Variants in ZMIZ1 observed in about 807,000 individuals in gnomAD.
ZMIZ1 encodes zinc finger MIZ domain-containing protein 1.
Under a neutral mutation model 113.9 loss-of-function variants are expected in ZMIZ1, and 17 were observed. The observed-to-expected ratio is 0.15, with a 90% confidence interval of 0.10 to 0.22. ZMIZ1 has a LOEUF of 0.22. Ranked by LOEUF, ZMIZ1 falls within the 10% of genes least tolerant of loss-of-function variation. The probability of loss-of-function intolerance (pLI) is 1.00; values close to 1 mark genes in which losing one functional copy is unlikely to be tolerated. For missense variants in ZMIZ1, 1,059 were observed against 1,477.8 expected, an observed-to-expected ratio of 0.72 and a Z score of 4.65; for synonymous variants, 607 against 603.1, an observed-to-expected ratio of 1.01 and a Z score of -0.09.
rs1346894046 is a variant in ZMIZ1 at position 79,313,911 on chromosome 10, GTCTGTCCAGCCCCTCCC to G, written c.*1170_*1186del. ...AGAAACCAGAGCCCAGGGCAATGGT[GTCTGTCCAGCCCCTCCC>G]TCTGTCCCTGTGCTCCAAGCTGCCC... On this transcript the variant is annotated 3_prime_UTR_variant, in exon 25 of 25. Coordinates refer to ENST00000334512, the MANE Select transcript of ZMIZ1 (RefSeq NM_020338.4). 1.8e-5 allele frequency: 7 copies of G among 395,700 alleles called. No individual in the cohort carries two copies. The highest frequency in any genetic ancestry group is 3.1e-5 in the Non-Finnish European group (6 of 196,162). The allele number at this position is 395,700 out of a possible 1,614,324, so 24.5% of individuals were successfully genotyped here.
chr10:79,294,893 G>A (rs1853766961), intron 12 of ZMIZ1: 1 of 151,532 alleles, frequency 6.6e-6, no homozygotes, highest in South Asian at 2.1e-4. Flanking sequence ...GGATGGGCGG[G>A]GAGGCTTGGC....
At chr10:79,116,690 C>T (rs949353160) in intron 1 of ZMIZ1, among the ~76,000 whole-genome samples, 3 of 152,222 alleles carry the variant, frequency 2.0e-5, no homozygotes, top group Non-Finnish European at 4.4e-5. Flanking sequence ...TGAAGTGTTA[C>T]ACCCATGCAG....
intron 11 of ZMIZ1, 38 bp from the exon 12 acceptor site, chr10:79,293,343 T>A: frequency 2.0e-6 from 3 of 1,507,030 alleles, no homozygotes; most frequent in Non-Finnish European, 2.7e-6. Context: ...TATTCTTTTT[T>A]TTTTCTTCTC....
At chr10:79,287,817 GA>G (rs1420888492) in intron 8 of ZMIZ1, among the ~76,000 whole-genome samples, 1 of 152,222 alleles carries the variant, frequency 6.6e-6, no homozygotes, top group African/African-American at 2.4e-5. Flanking sequence ...GAGATTGAGT[GA>G]GGAAACTTGC....
intron 7 of ZMIZ1, among the ~76,000 whole-genome samples, chr10:79,251,580 G>A (rs1352025908): frequency 4.6e-5 from 7 of 152,136 alleles, no homozygotes; most frequent in African/African-American, 1.7e-4. Context: ...CCCCGAACTG[G>A]TAGAACATGC....
chr10:79,091,686 C>T (rs564907675), intron 1 of ZMIZ1, among the ~76,000 whole-genome samples: 127 of 152,232 alleles, frequency 8.3e-4, no homozygotes, highest in African/African-American at 3.0e-3. Flanking sequence ...GCGGTGGAAC[C>T]GGCATGACCA....
intron 1 of ZMIZ1, among the ~76,000 whole-genome samples, chr10:79,093,294 TTTATTTATTTA>T (rs1564645995): frequency 5.6e-4 from 3 of 5,386 alleles, no homozygotes; most frequent in African/African-American, 1.3e-3. Context: ...TTTTATTTTA[TTTATTTATTTA>T]TTTATTTATT....
At chr10:79,284,658 A>G (rs1852948951) in intron 8 of ZMIZ1, among the ~76,000 whole-genome samples, 1 of 152,184 alleles carries the variant, frequency 6.6e-6, no homozygotes, top group African/African-American at 2.4e-5. Flanking sequence ...GGAAAGTGTT[A>G]GTCCCACTTT....
chr10:79,308,647 G>C (rs902446796), intron 23 of ZMIZ1, among the ~76,000 whole-genome samples: 1 of 152,156 alleles, frequency 6.6e-6, no homozygotes, highest in Non-Finnish European at 1.5e-5. Flanking sequence ...AGTCCAAGTC[G>C]GAAATAGATG....
Position 79,293,359 on chromosome 10 carries a change from G to A in ZMIZ1, c.958-22G>A, listed in dbSNP as rs1325616464. On this transcript the variant is annotated intron_variant, in intron 11 of 24. Coordinates refer to ENST00000334512, the MANE Select transcript of ZMIZ1 (RefSeq NM_020338.4). ...ATTCTTTTTTTTTTCTTCTCCCGTTGAAGGTCTGTTCCTCTTTCCAGATGG... is the reference window on the plus strand; with the variant it reads ...ATTCTTTTTTTTTTCTTCTCCCGTTAAAGGTCTGTTCCTCTTTCCAGATGG... 10 of 1,482,178 alleles carry A rather than the reference G, an allele frequency of 6.7e-6. No homozygotes were observed. The African/African-American group carries it at 1.4e-4, about 21-fold the overall frequency. 91.8% of individuals were successfully genotyped at this position (1,482,178 alleles called of 1,614,324 possible).
At chr10:79,125,675 A>G (rs550410065) in intron 2 of ZMIZ1, among the ~76,000 whole-genome samples, 2 of 152,216 alleles carry the variant, frequency 1.3e-5, no homozygotes, top group Non-Finnish European at 2.9e-5. Context: ...ACCTTGCAGC[A>G]AGTAATAGAC....
intron 4 of ZMIZ1, among the ~76,000 whole-genome samples, chr10:79,183,096 C>G (rs550824071): frequency 6.6e-6 from 1 of 152,336 alleles, no homozygotes; most frequent in East Asian, 1.9e-4. Context: ...CAGGAGTGGA[C>G]TGGCCAGACT....
chr10:79,144,849 G>A (rs570977719), intron 3 of ZMIZ1, among the ~76,000 whole-genome samples: 1 of 152,128 alleles, frequency 6.6e-6, no homozygotes, highest in East Asian at 1.9e-4. Flanking sequence ...AATGTTCGGT[G>A]GGCGGGCTTG....
At chr10:79,079,649 C>T (rs1026034381) in intron 1 of ZMIZ1, among the ~76,000 whole-genome samples, 2 of 152,206 alleles carry the variant, frequency 1.3e-5, no homozygotes, top group African/African-American at 4.8e-5. Context: ...CGGGGGGGTC[C>T]AGGGAATGAT....
intron 5 of ZMIZ1, among the ~76,000 whole-genome samples, chr10:79,205,484 G>A (rs1011993853): frequency 6.6e-6 from 1 of 152,206 alleles, no homozygotes; most frequent in Non-Finnish European, 1.5e-5. Context: ...CTCCCCTCAG[G>A]AGGCTCAAAA....
chr10:79,292,182 C>T lies in ZMIZ1; in HGVS notation c.783C>T (p.Pro261=), dbSNP rs78587165. ...GASYPGGPNA[P]AGMGIPPHTR... ...GTTACCCTGGGGGTCCTAACGCCCC[C>T]GCAGGCATGGGCATCCCTCCGCACA... Residue 261 remains proline, a synonymous_variant, in exon 11 of 25, where the codon CCC becomes CCT. Transcript: ENST00000334512. The T allele has an allele frequency of 1.2e-4, 196 of 1,610,786 alleles. 2 individuals are homozygous for T. Among genetic ancestry groups the T allele is most frequent in the East Asian group, 2.0e-4 (9 of 44,848 alleles).
rs746614388 is a variant in ZMIZ1, at chr10:79,313,750, C to T, written c.*1001C>T. On this transcript the variant is annotated 3_prime_UTR_variant, in exon 25 of 25. Transcript: ENST00000334512. ...GGACAGCAAGCAAACCATTTCTCTC[C>T]GTCTGTTCTGTTTTTCTCCTAGTCC... is the stretch of plus-strand genomic sequence containing the variant. The T allele has an allele frequency of 3.2e-5, 10 of 316,606 alleles. No individual in the cohort carries two copies. Among genetic ancestry groups the T allele is most frequent in the Non-Finnish European group, 5.0e-5 (8 of 159,862 alleles). 19.6% of individuals were successfully genotyped at this position (316,606 alleles called of 1,614,324 possible).
At chr10:79,231,375 A>G (rs565882649) in intron 7 of ZMIZ1, among the ~76,000 whole-genome samples, 2 of 151,774 alleles carry the variant, frequency 1.3e-5, no homozygotes, top group Admixed American at 6.6e-5. Context: ...AGCCTCCCCA[A>G]CAGCTGGGGT....
At chr10:79,175,946 G>A (rs1846840039) in intron 4 of ZMIZ1, among the ~76,000 whole-genome samples, 1 of 152,014 alleles carries the variant, frequency 6.6e-6, no homozygotes, top group South Asian at 2.1e-4. Flanking sequence ...GGCAGAGAGG[G>A]GAGAGTTTGT....
Sources: gnomAD v4.1 joint callset for allele counts (sites outside exome capture counted in the v4.1 genomes callset) on GRCh38, gnomAD v4.1.1 for gene constraint, MANE v1.5 for transcripts, NCBI Gene and HGNC (gene_info 2026-07-23, HGNC 2026-07-21) for gene names.